KTN1: variants seen among roughly 807,000 people sequenced by gnomAD.
The protein encoded by KTN1 is kinectin.
In KTN1, 130 loss-of-function variants were observed where a neutral mutation model predicts 222.5. The observed-to-expected ratio is 0.58, with a 90% CI of 0.51 to 0.68. The LOEUF is 0.68. KTN1 is among the 30% of genes least tolerant of loss of function. The probability of loss-of-function intolerance (pLI) is 0.00; values close to 1 mark genes in which losing one functional copy is unlikely to be tolerated. For missense variants in KTN1, 1,508 were observed against 1,500.4 expected (o/e 1.01, Z -0.08); for synonymous variants, 512 against 496.3 (o/e 1.03, Z -0.42).
At chr14:55,592,300 G>T (rs2034283654) in intron 1 of KTN1, among the ~76,000 whole-genome samples, 1 of 152,104 alleles carries the variant, frequency 6.6e-6, no homozygotes, top group African/African-American at 2.4e-5. Flanking sequence ...TTTTTTCCAA[G>T]ATTTCCACTG....
At chr14:55,665,220 C>T (rs774446968) in intron 33 of KTN1, among the ~76,000 whole-genome samples, 3 of 151,850 alleles carry the variant, frequency 2.0e-5, no homozygotes, top group East Asian at 1.9e-4. Context: ...TTTCTGTCAG[C>T]GATGAGGGTT....
chr14:55,592,968 T>C (rs2034397239), intron 1 of KTN1, among the ~76,000 whole-genome samples: 1 of 152,224 alleles, frequency 6.6e-6, no homozygotes, highest in African/African-American at 2.4e-5. Flanking sequence ...CCCGTGTTTT[T>C]AATTGTTCTA....
In KTN1 at chr14:55,684,118, T is replaced by G; in HGVS notation, c.*15T>G. The G allele has an allele frequency of 6.3e-7, 1 of 1,598,668 alleles. No individual in the cohort carries two copies. Among genetic ancestry groups the G allele is most frequent in the Admixed American group, 1.7e-5 (1 of 58,696 alleles). On this transcript the variant is annotated 3_prime_UTR_variant, in exon 44 of 44. Transcript: ENST00000395314. ...TTACAGAGTGAAGTAATTGGGAAAC[T>G]GTTCATTTGAGGATAAAAAAGGCAT...
At chr14:55,646,909 T>A in intron 18 of KTN1, 64 bp from the exon 19 acceptor site, 2 of 994,174 alleles carry the variant, frequency 2.0e-6, no homozygotes, top group South Asian at 2.7e-5. Flanking sequence ...ATTACATTTC[T>A]CATCTGGTTT....
intron 25 of KTN1, among the ~76,000 whole-genome samples, chr14:55,652,146 T>A (rs2042983357): frequency 6.6e-6 from 1 of 152,182 alleles, no homozygotes; most frequent in African/African-American, 2.4e-5. Flanking sequence ...TGATTTATAA[T>A]CTGAATATAA....
rs536364433 is a variant in KTN1 at position 55,684,265 on chromosome 14, A to G, written c.*162A>G. 8 of 486,700 alleles carry G rather than the reference A, an allele frequency of 1.6e-5. No homozygotes were observed. The highest frequency in any genetic ancestry group is 2.8e-5 in the Non-Finnish European group (8 of 281,790). 30.1% of individuals were successfully genotyped at this position (486,700 alleles called of 1,614,324 possible). ...TTAGACTACTGATTTAAAGAAGGAA[A>G]AAAAAAAGCCAACTCTGTAGACACC... is the stretch of plus-strand genomic sequence containing the variant. On this transcript the variant is annotated 3_prime_UTR_variant, in exon 44 of 44. Coordinates refer to ENST00000395314, the MANE Select transcript of KTN1 (RefSeq NM_001079521.2).
intron 13 of KTN1, among the ~76,000 whole-genome samples, chr14:55,639,560 C>T (rs1383384852): frequency 6.6e-6 from 1 of 151,620 alleles, no homozygotes; most frequent in African/African-American, 2.4e-5. Flanking sequence ...AGTTGTAGTT[C>T]TTCTGTGTCC....
chr14:55,644,793 T>C (rs1320319078), intron 18 of KTN1, among the ~76,000 whole-genome samples: 1 of 152,134 alleles, frequency 6.6e-6, no homozygotes. Context: ...AGGATTGGAT[T>C]AAACCAATAA....
Position 55,678,432 on chromosome 14 carries a change from T to C in KTN1, c.3936T>C (p.Val1312=). The C allele has an allele frequency of 6.2e-7, 1 of 1,603,182 alleles. No homozygotes were observed. The highest frequency in any genetic ancestry group is 8.5e-7 in the Non-Finnish European group (1 of 1,170,094). ...CTACTGTTATTGAAAATAGTGATGT[T>C]TCCCCAGAAACGGTATGTATTTTCT... is the stretch of plus-strand genomic sequence containing the variant. The part of the protein sequence containing the change: ...GDTTVIENSD[V]SPETESSEKE... Residue 1312 remains valine, a synonymous_variant, in exon 42 of 44, where the codon GTT becomes GTC. Coordinates refer to ENST00000395314, the MANE Select transcript of KTN1 (RefSeq NM_001079521.2).
intron 1 of KTN1, among the ~76,000 whole-genome samples, chr14:55,590,084 T>C (rs1488496901): frequency 6.6e-6 from 1 of 152,224 alleles, no homozygotes; most frequent in East Asian, 1.9e-4. Flanking sequence ...TAAAGGACTT[T>C]TCTTTTTGGG....
chr14:55,658,800 A>T (rs1369548907), intron 30 of KTN1, among the ~76,000 whole-genome samples, 186 bp downstream of exon 30: 1 of 152,218 alleles, frequency 6.6e-6, no homozygotes, highest in African/African-American at 2.4e-5. Flanking sequence ...ACAAATCTAT[A>T]AAGTATACAC....
chr14:55,588,238 A>T (rs1243227386), intron 1 of KTN1, among the ~76,000 whole-genome samples: 1 of 152,210 alleles, frequency 6.6e-6, no homozygotes, highest in Non-Finnish European at 1.5e-5. Flanking sequence ...AGAAAATCAT[A>T]AGAGACTGTG....
chr14:55,613,867 A>G (rs1341415077), intron 2 of KTN1, among the ~76,000 whole-genome samples: 1 of 152,194 alleles, frequency 6.6e-6, no homozygotes, highest in African/African-American at 2.4e-5. Flanking sequence ...AAGCCAGTAA[A>G]AAAAATGTGG....
intron 33 of KTN1, 121 bp downstream of exon 33, chr14:55,664,162 T>A: frequency 1.5e-6 from 1 of 647,300 alleles, no homozygotes. Context: ...TTATCCATAT[T>A]TATCATCTCT....
At chr14:55,589,901 C>G (rs1266895847) in intron 1 of KTN1, among the ~76,000 whole-genome samples, 1 of 151,948 alleles carries the variant, frequency 6.6e-6, no homozygotes, top group Non-Finnish European at 1.5e-5. Context: ...TTGTGATCTG[C>G]CCACCTCAGC....
At chr14:55,595,439 C>T (rs1288516051) in intron 1 of KTN1, among the ~76,000 whole-genome samples, 1 of 131,512 alleles carries the variant, frequency 7.6e-6, no homozygotes, top group Non-Finnish European at 1.6e-5. Flanking sequence ...GTCAGAATTT[C>T]TGCTATTCTA....
chr14:55,610,700 A>G (rs532482294), intron 1 of KTN1, among the ~76,000 whole-genome samples: 191 of 151,300 alleles, frequency 1.3e-3, no homozygotes, highest in African/African-American at 4.4e-3. Context: ...TTTTTCTACA[A>G]CACATTTGAG....
At chr14:55,600,122 G>A (rs1401095519) in intron 1 of KTN1, among the ~76,000 whole-genome samples, 1 of 148,450 alleles carries the variant, frequency 6.7e-6, no homozygotes, top group Non-Finnish European at 1.5e-5. Context: ...TGTCTCTTCT[G>A]GGGATAAGCA....
intron 1 of KTN1, among the ~76,000 whole-genome samples, chr14:55,587,847 A>G (rs1160469955): frequency 6.6e-6 from 1 of 152,162 alleles, no homozygotes; most frequent in Non-Finnish European, 1.5e-5. Context: ...CAGTTTGACT[A>G]GATGTTTGCT....
Sources: gnomAD v4.1 joint callset for allele counts (sites outside exome capture counted in the v4.1 genomes callset) on GRCh38, gnomAD v4.1.1 for gene constraint, MANE v1.5 for transcripts, NCBI Gene and HGNC (gene_info 2026-07-23, HGNC 2026-07-21) for gene names.